DENND5A: variants seen among roughly 807,000 people sequenced by gnomAD.
DENND5A encodes the protein DENN domain-containing protein 5A.
A neutral mutation model predicts 140.3 loss-of-function variants in DENND5A; 64 were observed. That is an observed-to-expected ratio of 0.46 (90% CI 0.37 to 0.56). The LOEUF (loss-of-function observed/expected upper bound fraction) is 0.56, where lower values mean the gene tolerates loss of function less well. Ranked by LOEUF, DENND5A falls within the 20% of genes least tolerant of loss-of-function variation. DENND5A has a pLI of 0.00. For synonymous variants in DENND5A, 605 were observed against 607.7 expected, an observed-to-expected ratio of 1.00 and a Z score of 0.07; for missense variants, 1,292 against 1,593.8, an observed-to-expected ratio of 0.81 and a Z score of 3.22.
At chr11:9,230,417 AT>A (rs1289785383) in intron 1 of DENND5A, among the ~76,000 whole-genome samples, 4 of 150,584 alleles carry the variant, frequency 2.7e-5, no homozygotes, top group Admixed American at 2.0e-4. Flanking sequence ...ATTTTTAAAA[AT>A]TTTTTGCAGA....
At chr11:9,222,037 G>A (rs1488055464) in intron 1 of DENND5A, among the ~76,000 whole-genome samples, 1 of 152,166 alleles carries the variant, frequency 6.6e-6, no homozygotes, top group Non-Finnish European at 1.5e-5. Flanking sequence ...GATTACAGGC[G>A]TGAGCCACTG....
At chr11:9,184,824 C>T (rs930656359) in intron 5 of DENND5A, among the ~76,000 whole-genome samples, 2 of 152,166 alleles carry the variant, frequency 1.3e-5, no homozygotes, top group Non-Finnish European at 2.9e-5. Flanking sequence ...TTGATATTAA[C>T]TCTTTGTAGG....
chr11:9,143,337 C>A, intron 20 of DENND5A, 66 bp downstream of exon 20: 2 of 1,416,808 alleles, frequency 1.4e-6, no homozygotes, highest in Non-Finnish European at 2.0e-6. Context: ...ACAAGATAAT[C>A]GGAAAAACAA....
intron 1 of DENND5A, among the ~76,000 whole-genome samples, chr11:9,213,164 C>T (rs1246385995): frequency 3.3e-5 from 5 of 151,910 alleles, no homozygotes; most frequent in African/African-American, 4.8e-5. Context: ...CCACCACATC[C>T]AGCTAATTTT....
chr11:9,179,011 T>C lies in DENND5A; in HGVS notation c.1518A>G (p.Glu506=). The stretch of plus-strand genomic sequence containing the variant: ...GAATGTTTAGCTGGTAAATCCTGAG[T>C]TCTTCTTCATCACACTGAACTTTGA... ...KDLKVQCDEE[E]LRIYQLNIQI... Residue 506 remains glutamate, a synonymous_variant, in exon 7 of 23, where the codon GAA becomes GAG. Transcript: ENST00000328194. 4.3e-6 allele frequency: 7 copies of C among 1,614,170 alleles called. No homozygotes were observed. The highest frequency in any genetic ancestry group is 5.1e-6 in the Non-Finnish European group (6 of 1,180,018).
At chr11:9,143,107 C>T (rs994464293) in intron 20 of DENND5A, 4 of 589,766 alleles carry the variant, frequency 6.8e-6, no homozygotes, top group Non-Finnish European at 1.2e-5. Context: ...GCCAGTGTGG[C>T]CACTATTCAA....
At chr11:9,184,951 G>A (rs1417670326) in intron 5 of DENND5A, among the ~76,000 whole-genome samples, 1 of 152,142 alleles carries the variant, frequency 6.6e-6, no homozygotes, top group Non-Finnish European at 1.5e-5. Context: ...CAGCACTTTG[G>A]GAGGCCAGGT....
chr11:9,201,816 A>G (rs1423014693), intron 4 of DENND5A, among the ~76,000 whole-genome samples: 1 of 152,224 alleles, frequency 6.6e-6, no homozygotes, highest in Non-Finnish European at 1.5e-5. Context: ...TAAAAAAAAA[A>G]TGGTTAGGCA....
chr11:9,148,861 T>C (rs79798302), intron 15 of DENND5A, among the ~76,000 whole-genome samples: 1 of 152,052 alleles, frequency 6.6e-6, no homozygotes, highest in African/African-American at 2.4e-5. Flanking sequence ...TGCTTAGAGG[T>C]GAGAGAAGTC....
At position 9,150,675 on chromosome 11, in the gene DENND5A, C is replaced by T; in HGVS notation, c.2606+5G>A. 1 of 1,605,874 alleles carries T rather than the reference C, an allele frequency of 6.2e-7. No individual in the cohort carries two copies. The highest frequency in any genetic ancestry group is 8.5e-7 in the Non-Finnish European group (1 of 1,173,190). On this transcript the variant is annotated splice_donor_5th_base_variant and intron_variant, in intron 14 of 22. Coordinates refer to ENST00000328194, the MANE Select transcript of DENND5A (RefSeq NM_015213.4). ...GTGGCTTATTACATGTGAGCCCATA[C>T]TGACCTCATATCCTGAATCAGGGAG...
intron 15 of DENND5A, among the ~76,000 whole-genome samples, chr11:9,149,179 G>A (rs1479405135): frequency 6.6e-6 from 1 of 152,190 alleles, no homozygotes; most frequent in South Asian, 2.1e-4. Context: ...CAGCCCCCAT[G>A]AATATACAAC....
chr11:9,187,830 C>T (rs1377039847), intron 5 of DENND5A, among the ~76,000 whole-genome samples: 1 of 152,206 alleles, frequency 6.6e-6, no homozygotes, highest in African/African-American at 2.4e-5. Context: ...GCCAGCTGAG[C>T]TCATGTGTTG....
intron 1 of DENND5A, among the ~76,000 whole-genome samples, chr11:9,246,483 G>A (rs7935573): frequency 0.046 from 6,966 of 151,890 alleles, 513 homozygotes; most frequent in African/African-American, 0.16. Context: ...GTGGTGGCAC[G>A]CTCCTGTAGT....
At chr11:9,239,560 G>C (rs1236535212) in intron 1 of DENND5A, among the ~76,000 whole-genome samples, 1 of 150,510 alleles carries the variant, frequency 6.6e-6, no homozygotes, top group Non-Finnish European at 1.5e-5. Context: ...TCGAAATCCT[G>C]GGCTCAAGCC....
At chr11:9,177,721 T>TA (rs35643161) in intron 8 of DENND5A, among the ~76,000 whole-genome samples, 104,452 of 144,806 alleles carry the variant, frequency 0.72, 37,513 homozygotes, top group East Asian at 0.99. Context: ...TGACATCATT[T>TA]AAAAAAAAAA....
intron 1 of DENND5A, among the ~76,000 whole-genome samples, chr11:9,234,007 G>A (rs531337818): frequency 3.8e-4 from 57 of 151,840 alleles, no homozygotes; most frequent in East Asian, 2.3e-3. Context: ...GTGAAACCCC[G>A]TCTCTACTAA....
chr11:9,166,064 AC>A, intron 10 of DENND5A, 97 bp from the exon 11 acceptor site: 1 of 1,164,970 alleles, frequency 8.6e-7, no homozygotes, highest in Middle Eastern at 2.4e-4. Context: ...TTATTTTCTC[AC>A]ATTTTCTTTT....
intron 4 of DENND5A, among the ~76,000 whole-genome samples, chr11:9,201,217 T>G (rs11042224): frequency 0.16 from 24,625 of 151,664 alleles, 2,225 homozygotes; most frequent in Non-Finnish European, 0.21. Context: ...AAAAAAAATT[T>G]TTTTTTAATT....
At chr11:9,139,918 G>C in intron 22 of DENND5A, 64 bp from the exon 23 acceptor site, 1 of 1,510,532 alleles carries the variant, frequency 6.6e-7, no homozygotes, top group South Asian at 1.2e-5. Context: ...GAGAGCGTTA[G>C]TGCAAGGCCA....
Sources: allele counts gnomAD v4.1 joint callset (sites outside exome capture counted in the v4.1 genomes callset), GRCh38; gene constraint gnomAD v4.1.1; transcripts MANE v1.5; gene names NCBI Gene and HGNC (gene_info 2026-07-23, HGNC 2026-07-21).